Variants in OR51D1 observed in about 807,000 individuals in gnomAD.
OR51D1 encodes the protein olfactory receptor 51D1.
For missense variants in OR51D1, 452 were observed against 396.2 expected, an observed-to-expected ratio of 1.14 and a Z score of -1.20; for synonymous variants, 187 against 161.1, an observed-to-expected ratio of 1.16 and a Z score of -1.22.
Position 4,640,551 on chromosome 11 carries a change from G to C in OR51D1, c.761G>C (p.Cys254Ser), listed in dbSNP as rs373201140. The change falls in exon 2 of 2, where the codon TGC (cysteine) becomes TCC (serine). Residue 254 changes from cysteine (C) to serine (S), a missense_variant. Cys to Ser is a moderately radical substitution (Grantham distance 112). Transcript: ENST00000641817. ...RRAALKAFNTCISHLCAVLVF... is the reference protein window; with the variant it reads ...RRAALKAFNTSISHLCAVLVF... The stretch of plus-strand genomic sequence containing the variant: ...GCAGCACTCAAGGCTTTCAACACCT[G>C]CATCTCCCACCTCTGTGCTGTTCTG... The C allele has an allele frequency of 3.5e-5, 56 of 1,613,550 alleles. No homozygotes were observed. In the East Asian group the frequency reaches 1.1e-3, roughly 31 times the overall value.
rs781404485 is a variant in OR51D1, at chr11:4,640,820, C to T, written c.*55C>T. 85 of 1,488,032 alleles carry T rather than the reference C, an allele frequency of 5.7e-5. No homozygotes were observed. The highest frequency in any genetic ancestry group is 4.8e-5 in the Non-Finnish European group (53 of 1,098,978). 92.2% of individuals were successfully genotyped at this position (1,488,032 alleles called of 1,614,324 possible). A position where few individuals can be genotyped will look rare whatever the true frequency, so the allele number is the denominator to read the frequency against. On this transcript the variant is annotated 3_prime_UTR_variant, in exon 2 of 2. Transcript: ENST00000641817. Reference sequence around the variant, plus strand: ...CTACAGAAGATGGGAATATTAGGATCCTATTGAATGCCTTGGTGATTAAAG... The same window carrying T: ...CTACAGAAGATGGGAATATTAGGATTCTATTGAATGCCTTGGTGATTAAAG...
At chr11:4,639,025 T>C (rs1846929740) in intron 1 of OR51D1, among the ~76,000 whole-genome samples, 1 of 152,148 alleles carries the variant, frequency 6.6e-6, no homozygotes, top group African/African-American at 2.4e-5. Flanking sequence ...ACCCCTGACC[T>C]TGCGATCTGC....
chr11:4,640,653 T>C lies in OR51D1; in HGVS notation c.863T>C (p.Met288Thr). ...GGPTSLLHVV[M>T]ANTYLLLPPV... ...CCCACCTCCCTCCTCCATGTGGTTA[T>C]GGCTAATACCTACTTGCTGCTACCA... The change falls in exon 2 of 2, where the codon ATG becomes ACG. Residue 288 changes from methionine (M) to threonine (T), a missense_variant. By Grantham distance (81) the Met-to-Thr change is moderately conservative (BLOSUM62 -1). Coordinates refer to ENST00000641817, the MANE Select transcript of OR51D1 (RefSeq NM_001004751.3). The C allele has an allele frequency of 1.2e-6, 2 of 1,613,930 alleles. No individual in the cohort carries two copies. Among genetic ancestry groups the C allele is most frequent in the Admixed American group, 1.7e-5 (1 of 60,026 alleles).
At position 4,640,064 on chromosome 11, in the gene OR51D1, C is replaced by A. The variant is rs745827096; in HGVS notation, c.274C>A (p.Pro92Thr). Residue 92 changes from proline (P) to threonine (T), a missense_variant, in exon 2 of 2, where the codon CCC becomes ACC. Coordinates refer to ENST00000641817, the MANE Select transcript of OR51D1 (RefSeq NM_001004751.3). ...CCTAGTCCTCTCCTCTATCACCATG[C>A]CCAAGATGGCCAGTCTTTTCCTGAT... ...IDLVLSSITMPKMASLFLMGI... is the reference protein window; with the variant it reads ...IDLVLSSITMTKMASLFLMGI... 2 of 1,614,062 alleles carry A rather than the reference C, an allele frequency of 1.2e-6. No individual in the cohort carries two copies. Among genetic ancestry groups the A allele is most frequent in the African/African-American group, 1.3e-5 (1 of 74,922 alleles).
rs1435905359 is a variant in OR51D1, at chr11:4,640,808, G to C, written c.*43G>C. The C allele has an allele frequency of 1.9e-6, 3 of 1,542,332 alleles. No individual in the cohort carries two copies. The South Asian group carries it at 3.7e-5, about 19-fold the overall frequency. ...CTTCTACTACTACTACAGAAGATGG[G>C]AATATTAGGATCCTATTGAATGCCT... is the stretch of plus-strand genomic sequence containing the variant. On this transcript the variant is annotated 3_prime_UTR_variant, in exon 2 of 2. Coordinates refer to ENST00000641817, the MANE Select transcript of OR51D1 (RefSeq NM_001004751.3).
chr11:4,639,770 T>G lies in OR51D1; in HGVS notation c.-14-7T>G. The G allele has an allele frequency of 6.2e-7, 1 of 1,607,356 alleles. No individual in the cohort carries two copies. Among genetic ancestry groups the G allele is most frequent in the Non-Finnish European group, 8.5e-7 (1 of 1,175,762 alleles). ...ATGTTTCTACTTTTCCCTTTCTACT[T>G]TCCTAGACCCTGGATTTTGTATGCA... On this transcript the variant is annotated splice_region_variant and splice_polypyrimidine_tract_variant and intron_variant, in intron 1 of 1. Coordinates refer to ENST00000641817, the MANE Select transcript of OR51D1 (RefSeq NM_001004751.3).
Position 4,639,920 on chromosome 11 carries a change from C to T in OR51D1, c.130C>T (p.Leu44=), listed in dbSNP as rs1240607827. The T allele has an allele frequency of 1.2e-6, 2 of 1,614,228 alleles. No homozygotes were observed. Among genetic ancestry groups the T allele is most frequent in the Non-Finnish European group, 1.7e-6 (2 of 1,180,050 alleles). The change falls in exon 2 of 2, where the codon CTG becomes TTG. Residue 44 remains leucine, a synonymous_variant. Transcript: ENST00000641817. ...PTIHFWLAFP[L]CFMYALATLG... ...CATACACTTTTGGCTGGCTTTCCCA[C>T]TGTGTTTTATGTATGCCTTGGCCAC...
In OR51D1 at chr11:4,637,770, T is replaced by C. The variant is rs78359358; in HGVS notation, c.-15+17T>C. 781 of 152,690 alleles carry C rather than the reference T, an allele frequency of 5.1e-3. 3 individuals are homozygous for C. The highest frequency in any genetic ancestry group is 8.3e-3 in the Non-Finnish European group (566 of 68,100). The allele number at this position is 152,690 out of a possible 1,614,324, so 9.5% of individuals were successfully genotyped here. On this transcript the variant is annotated intron_variant, in intron 1 of 1. Transcript: ENST00000641817. ...TTAAGCAAGGCAAGGGGAATTACTT[T>C]ACCAGGAAAAAAATGTGTGTGAGTG...
At position 4,640,100 on chromosome 11, in the gene OR51D1, G is replaced by T; in HGVS notation, c.310G>T (p.Glu104Ter). The change falls in exon 2 of 2, where the codon GAG becomes TAG. Residue 104 changes from glutamate (E) to a stop codon, truncating the protein, a stop_gained. Coordinates refer to ENST00000641817, the MANE Select transcript of OR51D1 (RefSeq NM_001004751.3). LOFTEE classifies it low-confidence loss of function (END_TRUNC). ...CAGTCTTTTCCTGATGGGCATCCAG[G>T]AGATCGAGTTCAACATTTGCCTGGC... ...MASLFLMGIQ[E>*]IEFNICLAQM... 6.2e-7 allele frequency: 1 copy of T among 1,614,192 alleles called. No individual in the cohort carries two copies. The highest frequency in any genetic ancestry group is 1.3e-5 in the African/African-American group (1 of 75,044).
intron 1 of OR51D1, 109 bp from the exon 2 acceptor site, chr11:4,639,668 A>G: frequency 2.1e-6 from 2 of 961,174 alleles, no homozygotes; most frequent in Non-Finnish European, 3.2e-6. Flanking sequence ...AGGATGACTT[A>G]GTCCTGTTTG....
intron 1 of OR51D1, chr11:4,639,574 G>C: frequency 1.7e-6 from 1 of 579,770 alleles, no homozygotes; most frequent in East Asian, 2.8e-5. Flanking sequence ...TGGGGCCTTG[G>C]AGGGTCAGGG....
At chr11:4,639,726 T>G (rs1846937770) in intron 1 of OR51D1, 51 bp from the exon 2 acceptor site, 1 of 1,544,064 alleles carries the variant, frequency 6.5e-7, no homozygotes, top group African/African-American at 1.4e-5. Context: ...CTTTCTCTCC[T>G]CTGAGCCACA....
chr11:4,640,137 T>G lies in OR51D1; in HGVS notation c.347T>G (p.Leu116Arg). 6.2e-7 allele frequency: 1 copy of G among 1,614,256 alleles called. No homozygotes were observed. The highest frequency in any genetic ancestry group is 8.5e-7 in the Non-Finnish European group (1 of 1,180,044). The change falls in exon 2 of 2, where the codon CTT becomes CGT. Residue 116 changes from leucine (L) to arginine (R), a missense_variant. Transcript: ENST00000641817. Reference sequence around the variant, plus strand: ...AACATTTGCCTGGCCCAGATGTTCCTTATCCATGCTCTGTCAGCCGTGGAG... The same window carrying G: ...AACATTTGCCTGGCCCAGATGTTCCGTATCCATGCTCTGTCAGCCGTGGAG... The part of the protein sequence containing the change: ...EFNICLAQMF[L>R]IHALSAVESA...
chr11:4,640,732 G>A lies in OR51D1; in HGVS notation c.942G>A (p.Arg314=), dbSNP rs745522606. 2.5e-6 allele frequency: 4 copies of A among 1,613,342 alleles called. No homozygotes were observed. In the South Asian group the frequency reaches 3.3e-5, roughly 13 times the overall value. ...CCAAGACCAAAGAGATCTGTTCAAG[G>A]GTCCTCTGTATGTTCTCACAAGGTG... ...YGAKTKEICS[R]VLCMFSQGGK Residue 314 remains arginine, a synonymous_variant, in exon 2 of 2, where the codon AGG becomes AGA. Coordinates refer to ENST00000641817, the MANE Select transcript of OR51D1 (RefSeq NM_001004751.3).
chr11:4,640,004 A>C lies in OR51D1; in HGVS notation c.214A>C (p.Met72Leu). 2 of 1,614,152 alleles carry C rather than the reference A, an allele frequency of 1.2e-6. No homozygotes were observed. Among genetic ancestry groups the C allele is most frequent in the South Asian group, 1.1e-5 (1 of 91,070 alleles). Residue 72 changes from methionine (M) to leucine (L), a missense_variant, in exon 2 of 2, where the codon ATG (methionine) becomes CTG (leucine). Transcript: ENST00000641817. ...TGTGGAGAGGCGACTGCATGAGCCCATGTACCTCTTCCTGGCCATGCTTTC... is the reference window on the plus strand; with the variant it reads ...TGTGGAGAGGCGACTGCATGAGCCCCTGTACCTCTTCCTGGCCATGCTTTC... ...IRVERRLHEP[M>L]YLFLAMLSTI...
intron 1 of OR51D1, among the ~76,000 whole-genome samples, chr11:4,638,934 A>G (rs1846928424): frequency 6.6e-6 from 1 of 152,134 alleles, no homozygotes; most frequent in Admixed American, 6.5e-5. Flanking sequence ...CTGGGATTAC[A>G]GGTGCGCTCC....
chr11:4,640,426 AC>A lies in OR51D1; in HGVS notation c.637del (p.Leu213SerfsTer86), dbSNP rs1255823834. On this transcript the variant is annotated frameshift_variant, in exon 2 of 2. Transcript: ENST00000641817. LOFTEE classifies it high-confidence loss of function. ...ACACCAGGGTCAATGTGGTTTATGGACTCTTCATCATCCTCTCAGTCATGGG... is the reference window on the plus strand; with the variant it reads ...ACACCAGGGTCAATGTGGTTTATGGATCTTCATCATCCTCTCAGTCATGGG... The part of the protein sequence containing the change: ...TDTRVNVVYG[L>X]FIILSVMGVD... 4 of 1,613,822 alleles carry A rather than the reference AC, an allele frequency of 2.5e-6. No homozygotes were observed. The highest frequency in any genetic ancestry group is 1.7e-4 in the Middle Eastern group (1 of 6,060).
Position 4,640,624 on chromosome 11 carries a change from T to C in OR51D1, c.834T>C (p.Gly278=). The C allele has an allele frequency of 5.7e-6, 9 of 1,589,668 alleles. No individual in the cohort carries two copies. Among genetic ancestry groups the C allele is most frequent in the Non-Finnish European group, 6.8e-6 (8 of 1,169,382 alleles). ...GGCTCTCGGTGGTGCATAGGCTGGG[T>C]GGTCCCACCTCCCTCCTCCATGTGG... is the stretch of plus-strand genomic sequence containing the variant. ...LIGLSVVHRL[G]GPTSLLHVVM... The change falls in exon 2 of 2, where the codon GGT becomes GGC. Residue 278 remains glycine, a synonymous_variant. Coordinates refer to ENST00000641817, the MANE Select transcript of OR51D1 (RefSeq NM_001004751.3).
Position 4,639,961 on chromosome 11 carries a change from C to T in OR51D1, c.171C>T (p.Thr57=), listed in dbSNP as rs1243138549. The T allele has an allele frequency of 1.9e-6, 3 of 1,614,060 alleles. No individual in the cohort carries two copies. The highest frequency in any genetic ancestry group is 1.1e-5 in the South Asian group (1 of 91,084). Residue 57 remains threonine, a synonymous_variant, in exon 2 of 2, where the codon ACC becomes ACT. Transcript: ENST00000641817. ...MYALATLGNL[T]IVLIIRVERR... ...CCTTGGCCACCCTGGGTAACCTGAC[C>T]ATTGTCCTCATCATTCGTGTGGAGA...
Sources: gnomAD v4.1 joint callset for allele counts (sites outside exome capture counted in the v4.1 genomes callset) on GRCh38, gnomAD v4.1.1 for gene constraint, MANE v1.5 for transcripts, NCBI Gene and HGNC (gene_info 2026-07-23, HGNC 2026-07-21) for gene names.